EIF4B: variants seen among roughly 807,000 people sequenced by gnomAD.
EIF4B encodes the protein eukaryotic translation initiation factor 4B.
EIF4B carries 8 observed loss-of-function variants against 79.3 expected under a neutral mutation model. The observed-to-expected ratio is 0.10, with a 90% confidence interval of 0.06 to 0.18. EIF4B has a LOEUF of 0.18. Among genes scored for constraint, EIF4B ranks in the 10% least tolerant of loss-of-function variants. The probability of loss-of-function intolerance (pLI) is 1.00; values close to 1 mark genes in which losing one functional copy is unlikely to be tolerated. For synonymous variants in EIF4B, 238 were observed against 274.7 expected (o/e 0.87, Z 1.32); for missense variants, 515 against 792.4 (o/e 0.65, Z 4.20).
intron 8 of EIF4B, among the ~76,000 whole-genome samples, chr12:53,029,593 C>G (rs1943399941): frequency 6.6e-6 from 1 of 152,166 alleles, no homozygotes; most frequent in African/African-American, 2.4e-5. Context: ...CCAGGCTGGT[C>G]TCAATCTCTT....
intron 10 of EIF4B, 95 bp from the exon 11 acceptor site, chr12:53,037,314 C>T: frequency 1.4e-6 from 2 of 1,406,026 alleles, no homozygotes; most frequent in South Asian, 2.8e-5. Context: ...GGAGCCAAAA[C>T]TTGGATGTGG....
In EIF4B at chr12:53,006,513, G is replaced by T. The variant is rs1942962323; in HGVS notation, c.13+17G>T. ...CGGCCTCAGGTGAGCGAGCAGCCGA[G>T]CGCGGCCAAGGACTGGGCTCTGAAA... On this transcript the variant is annotated intron_variant, in intron 1 of 14. Coordinates refer to ENST00000262056, the MANE Select transcript of EIF4B (RefSeq NM_001417.7). The T allele has an allele frequency of 6.2e-7, 1 of 1,613,602 alleles. No homozygotes were observed. Among genetic ancestry groups the T allele is most frequent in the Non-Finnish European group, 8.5e-7 (1 of 1,180,030 alleles).
intron 1 of EIF4B, among the ~76,000 whole-genome samples, chr12:53,010,175 CTGG>C (rs1301089763): frequency 1.3e-5 from 2 of 152,096 alleles, no homozygotes; most frequent in Non-Finnish European, 1.5e-5. Flanking sequence ...TTGAGTATCC[CTGG>C]AGGGATAAGG....
At chr12:53,016,729 A>T in intron 2 of EIF4B, 119 bp downstream of exon 2, 1 of 1,360,608 alleles carries the variant, frequency 7.3e-7, no homozygotes, top group Admixed American at 3.0e-5. Flanking sequence ...TAGCACCTGA[A>T]ATCTTACATA....
At chr12:53,012,698 C>T (rs888423710) in intron 1 of EIF4B, among the ~76,000 whole-genome samples, 9 of 150,712 alleles carry the variant, frequency 6.0e-5, no homozygotes, top group East Asian at 2.0e-4. Flanking sequence ...CTCCGCCTCC[C>T]GGGTTCACGC....
rs1943651837 is a variant in EIF4B, at chr12:53,042,201, TA to T, written c.*1981del. ...GTTTTCTCCAAATAAATCTGATCTT[TA>T]AAGTTCATTGTAATGCTGAAGTTCT... is the stretch of plus-strand genomic sequence containing the variant. On this transcript the variant is annotated 3_prime_UTR_variant, in exon 15 of 15. Coordinates refer to ENST00000262056, the MANE Select transcript of EIF4B (RefSeq NM_001417.7). 6.6e-6 allele frequency: 1 copy of T among 152,654 alleles called. No homozygotes were observed. Among genetic ancestry groups the T allele is most frequent in the African/African-American group, 2.4e-5 (1 of 41,458 alleles). The allele number at this position is 152,654 out of a possible 1,614,324, so 9.5% of individuals were successfully genotyped here.
intron 8 of EIF4B, 126 bp from the exon 9 acceptor site, chr12:53,033,680 G>T: frequency 1.9e-6 from 2 of 1,040,674 alleles, no homozygotes; most frequent in Non-Finnish European, 2.8e-6. Flanking sequence ...GCCTTCTGTG[G>T]ATTGGTTAGG....
chr12:53,007,435 T>A (rs1942986907), intron 1 of EIF4B, among the ~76,000 whole-genome samples: 1 of 147,164 alleles, frequency 6.8e-6, no homozygotes, highest in Non-Finnish European at 1.5e-5. Context: ...TTTTTTTTTT[T>A]TTTTTTTTTT....
intron 3 of EIF4B, 108 bp downstream of exon 3, chr12:53,019,114 T>A: frequency 3.0e-6 from 4 of 1,330,154 alleles, no homozygotes; most frequent in Non-Finnish European, 4.1e-6. Flanking sequence ...AAATATAATT[T>A]AAGGCCGGGA....
At chr12:53,028,744 T>C (rs887969319) in intron 8 of EIF4B, among the ~76,000 whole-genome samples, 3 of 152,044 alleles carry the variant, frequency 2.0e-5, no homozygotes, top group Non-Finnish European at 2.9e-5. Context: ...TTAAAACAGA[T>C]GGTTTTAGCT....
rs762561094 is a variant in EIF4B at position 53,028,083 on chromosome 12, A to C, written c.874A>C (p.Arg292=). ...GSGYRRDDDY[R]GGGDRYEDRY... The stretch of plus-strand genomic sequence containing the variant: ...TGGGTATCGCAGGGATGATGACTAC[A>C]GAGGAGGCGGGGACCGCTATGAAGA... Residue 292 remains arginine (R), a synonymous_variant, in exon 8 of 15, where the codon AGA becomes CGA. Coordinates refer to ENST00000262056, the MANE Select transcript of EIF4B (RefSeq NM_001417.7). The C allele has an allele frequency of 5.5e-5, 88 of 1,613,928 alleles. No homozygotes were observed. Among genetic ancestry groups the C allele is most frequent in the Non-Finnish European group, 7.3e-5 (86 of 1,179,978 alleles).
intron 8 of EIF4B, among the ~76,000 whole-genome samples, chr12:53,032,214 A>G (rs953965165): frequency 6.6e-6 from 1 of 152,184 alleles, no homozygotes; most frequent in African/African-American, 2.4e-5. Context: ...AGCCAAGGCA[A>G]GCGGATCACT....
rs769370412 is a variant in EIF4B, at chr12:53,028,073, T to A, written c.864T>A (p.Asp288Glu). ...CATTTGGCAGTGGGTATCGCAGGGA[T>A]GATGACTACAGAGGAGGCGGGGACC... Reference protein sequence around the residue: ...RRAFGSGYRRDDDYRGGGDRY... With the variant: ...RRAFGSGYRREDDYRGGGDRY... The change falls in exon 8 of 15, where the codon GAT becomes GAA. Residue 288 changes from aspartate (D) to glutamate (E), a missense_variant. Asp to Glu is a conservative substitution (Grantham distance 45). Coordinates refer to ENST00000262056, the MANE Select transcript of EIF4B (RefSeq NM_001417.7). The A allele has an allele frequency of 6.2e-7, 1 of 1,613,738 alleles. No homozygotes were observed. Among genetic ancestry groups the A allele is most frequent in the Non-Finnish European group, 8.5e-7 (1 of 1,179,926 alleles).
rs149891199 is a variant in EIF4B, at chr12:53,019,799, G to A, written c.361-111G>A. 160 of 925,890 alleles carry A rather than the reference G, an allele frequency of 1.7e-4. No individual in the cohort carries two copies. In the African/African-American group the frequency reaches 2.5e-3, roughly 15 times the overall value. 57.4% of individuals were successfully genotyped at this position (925,890 alleles called of 1,614,324 possible). A position where few individuals can be genotyped will look rare whatever the true frequency, so the allele number is the denominator to read the frequency against. On this transcript the variant is annotated intron_variant, in intron 3 of 14. Coordinates refer to ENST00000262056, the MANE Select transcript of EIF4B (RefSeq NM_001417.7). Reference sequence around the variant, plus strand: ...TTCCTCCTGAGACAACCATGTTCTTGTGTATTCAGAAAAATTCATGCACAT... The same window carrying A: ...TTCCTCCTGAGACAACCATGTTCTTATGTATTCAGAAAAATTCATGCACAT...
chr12:53,030,317 C>T (rs966926800), intron 8 of EIF4B, among the ~76,000 whole-genome samples: 2 of 146,430 alleles, frequency 1.4e-5, no homozygotes, highest in African/African-American at 2.5e-5. Flanking sequence ...GAGGTCAAGG[C>T]TGCAGTTAGC....
At chr12:53,023,446 T>A (rs1943282252) in intron 6 of EIF4B, among the ~76,000 whole-genome samples, 2 of 152,032 alleles carry the variant, frequency 1.3e-5, no homozygotes, top group Non-Finnish European at 2.9e-5. Context: ...TTGGCCAGGA[T>A]AGTCTTGATC....
At chr12:53,033,723 G>T in intron 8 of EIF4B, 83 bp from the exon 9 acceptor site, 12 of 1,393,636 alleles carry the variant, frequency 8.6e-6, no homozygotes, top group Non-Finnish European at 1.1e-5. Context: ...GCATTTCATA[G>T]GAGTTATATC....
chr12:53,014,887 CTG>C (rs1286596707), intron 1 of EIF4B: 2 of 152,172 alleles, frequency 1.3e-5, no homozygotes, highest in Non-Finnish European at 2.9e-5. Context: ...TGGAACTTCA[CTG>C]AGTCCCTCTG....
intron 1 of EIF4B, chr12:53,008,517 T>C (rs968182813): frequency 6.6e-6 from 1 of 152,280 alleles, no homozygotes; most frequent in Non-Finnish European, 1.5e-5. Flanking sequence ...AAATGGATGT[T>C]ATGTGTTCTG....
Sources: allele counts gnomAD v4.1 joint callset (sites outside exome capture counted in the v4.1 genomes callset), GRCh38; gene constraint gnomAD v4.1.1; transcripts MANE v1.5; gene names NCBI Gene and HGNC (gene_info 2026-07-23, HGNC 2026-07-21).